The following CNTN6 variants were observed in gnomAD, a reference collection of about 807,000 sequenced individuals.
CNTN6 encodes the protein contactin-6.
A neutral mutation model predicts 122.8 loss-of-function variants in CNTN6; 137 were observed. That is an observed-to-expected ratio of 1.12 (90% CI 0.97 to 1.29). The LOEUF is 1.29. CNTN6 is among the 50% of genes most tolerant of loss of function. CNTN6 has a pLI of 0.00. For synonymous variants in CNTN6, 570 were observed against 426.0 expected, an observed-to-expected ratio of 1.34 and a Z score of -4.16; for missense variants, 1,634 against 1,223.4, an observed-to-expected ratio of 1.34 and a Z score of -5.01.
At chr3:1,287,184 C>G (rs1694495941) in intron 5 of CNTN6, among the ~76,000 whole-genome samples, 2 of 152,124 alleles carry the variant, frequency 1.3e-5, no homozygotes, top group African/African-American at 4.8e-5. Flanking sequence ...CAACGATATT[C>G]AGGACTTGAA....
chr3:1,111,643 G>A (rs2091484972), intron 1 of CNTN6, among the ~76,000 whole-genome samples: 1 of 152,158 alleles, frequency 6.6e-6, no homozygotes, highest in South Asian at 2.1e-4. Context: ...AAACAGTGAT[G>A]CTCAACATCT....
chr3:1,378,436 C>T (rs557456384), intron 17 of CNTN6, among the ~76,000 whole-genome samples: 1 of 152,244 alleles, frequency 6.6e-6, no homozygotes, highest in Admixed American at 6.5e-5. Context: ...ATGACAGTGT[C>T]AGAAACTAGA....
chr3:1,362,572 G>C (rs753012203), intron 12 of CNTN6, among the ~76,000 whole-genome samples: 1 of 152,002 alleles, frequency 6.6e-6, no homozygotes, highest in Non-Finnish European at 1.5e-5. Flanking sequence ...GATTAGTAAA[G>C]GGGAGGATGC....
At chr3:1,210,782 A>G (rs992232291) in intron 2 of CNTN6, among the ~76,000 whole-genome samples, 70 of 152,234 alleles carry the variant, frequency 4.6e-4, no homozygotes, top group African/African-American at 1.5e-3. Context: ...GGAACATGTG[A>G]GCCCCTTGTT....
At chr3:1,402,522 AC>A (rs769812390) in intron 22 of CNTN6, 36 bp downstream of exon 22, 1 of 1,539,404 alleles carries the variant, frequency 6.5e-7, no homozygotes, top group South Asian at 1.2e-5. Flanking sequence ...TAGATTCTGA[AC>A]CTAGACAGCT....
At chr3:1,300,476 GAA>G (rs1697044301) in intron 7 of CNTN6, among the ~76,000 whole-genome samples, 3 of 125,460 alleles carry the variant, frequency 2.4e-5, no homozygotes, top group African/African-American at 1.5e-4. Flanking sequence ...AGGAAGGAAG[GAA>G]GGAAGGAAGG....
chr3:1,376,219 G>T (rs1025333693), intron 16 of CNTN6, among the ~76,000 whole-genome samples: 2 of 152,012 alleles, frequency 1.3e-5, no homozygotes, highest in Non-Finnish European at 1.5e-5. Context: ...TTCTCGTGAG[G>T]CACTACAATA....
chr3:1,199,510 C>T (rs984984754), intron 2 of CNTN6, among the ~76,000 whole-genome samples: 3 of 151,928 alleles, frequency 2.0e-5, no homozygotes, highest in Middle Eastern at 3.2e-3. Context: ...CCTAGTTTGC[C>T]AAAATTGGTT....
chr3:1,267,872 TCA>T (rs1048244553), intron 4 of CNTN6, among the ~76,000 whole-genome samples: 6 of 151,258 alleles, frequency 4.0e-5, no homozygotes, highest in African/African-American at 1.5e-4. Flanking sequence ...AGCAGAAACC[TCA>T]CATTTCTTTC....
chr3:1,313,972 A>T (rs966109465), intron 7 of CNTN6, among the ~76,000 whole-genome samples: 1 of 152,044 alleles, frequency 6.6e-6, no homozygotes, highest in African/African-American at 2.4e-5. Flanking sequence ...TCTTCATGTC[A>T]TAGTCCCACC....
chr3:1,282,128 A>G (rs1693570165), intron 5 of CNTN6, among the ~76,000 whole-genome samples: 1 of 152,200 alleles, frequency 6.6e-6, no homozygotes, highest in South Asian at 2.1e-4. Context: ...TGGTTTTTCC[A>G]TGTAAATGAT....
At position 1,227,998 on chromosome 3, in the gene CNTN6, G is replaced by C; in HGVS notation, c.358+5G>C. 6.2e-7 allele frequency: 1 copy of C among 1,610,492 alleles called. No homozygotes were observed. Among genetic ancestry groups the C allele is most frequent in the South Asian group, 1.1e-5 (1 of 90,482 alleles). On this transcript the variant is annotated splice_donor_5th_base_variant and intron_variant, in intron 4 of 22. Transcript: ENST00000446702. ...AGGCAAAGCTCCAATTTGCATGTGA[G>C]TTTGGGGTAAATTTTGTAATCTTTG...
chr3:1,302,821 T>C (rs1269812968), intron 7 of CNTN6, among the ~76,000 whole-genome samples: 3 of 152,188 alleles, frequency 2.0e-5, no homozygotes, highest in Non-Finnish European at 4.4e-5. Flanking sequence ...TTGAAAACTA[T>C]TCAGGCATGA....
Position 1,338,655 on chromosome 3 carries a change from T to G in CNTN6, c.1364+8720T>G, listed in dbSNP as rs1222096096. Reference sequence around the variant, plus strand: ...TGGCTCTAGAATGGTGTCCACTTATTTTACCTCTTGCTTCTAATTTCTGAG... The same window carrying G: ...TGGCTCTAGAATGGTGTCCACTTATGTTACCTCTTGCTTCTAATTTCTGAG... On this transcript the variant is annotated intron_variant, in intron 11 of 22. Transcript: ENST00000446702. 2.0e-5 allele frequency among the ~76,000 whole-genome samples: 3 copies of G among 152,154 alleles called. No individual in the cohort carries two copies. The East Asian group carries it at 5.8e-4, about 29-fold the overall frequency.
At chr3:1,265,963 C>T (rs1171199423) in intron 4 of CNTN6, among the ~76,000 whole-genome samples, 1 of 151,608 alleles carries the variant, frequency 6.6e-6, no homozygotes, top group South Asian at 2.1e-4. Context: ...CAGTGTCATT[C>T]ATCACAAATA....
intron 1 of CNTN6, among the ~76,000 whole-genome samples, chr3:1,136,506 T>C (rs1394464221): frequency 6.6e-6 from 1 of 152,180 alleles, no homozygotes; most frequent in Non-Finnish European, 1.5e-5. Flanking sequence ...ACAGAAATCC[T>C]GCAGGAAAGG....
chr3:1,161,408 C>T (rs2093129625), intron 2 of CNTN6, among the ~76,000 whole-genome samples: 1 of 150,904 alleles, frequency 6.6e-6, no homozygotes, highest in African/African-American at 2.4e-5. Flanking sequence ...TAGCAAAAGC[C>T]TTCTATGAAA....
At chr3:1,283,738 A>G (rs1016808576) in intron 5 of CNTN6, among the ~76,000 whole-genome samples, 3 of 152,268 alleles carry the variant, frequency 2.0e-5, no homozygotes, top group Admixed American at 6.5e-5. Context: ...AGTGGCTCAC[A>G]CCTGTAATCC....
chr3:1,128,777 TA>T (rs1553602652), intron 1 of CNTN6, among the ~76,000 whole-genome samples: 3 of 151,802 alleles, frequency 2.0e-5, no homozygotes, highest in Non-Finnish European at 4.4e-5. Context: ...CTAAAGTTTT[TA>T]AAAAAATGAC....
Sources: gnomAD v4.1 joint callset for allele counts (sites outside exome capture counted in the v4.1 genomes callset) on GRCh38, gnomAD v4.1.1 for gene constraint, MANE v1.5 for transcripts, NCBI Gene and HGNC (gene_info 2026-07-23, HGNC 2026-07-21) for gene names.